The following PMFBP1 variants were observed in gnomAD, a reference collection of about 807,000 sequenced individuals.
The protein encoded by PMFBP1 is polyamine modulated factor 1 binding protein 1.
A neutral mutation model predicts 137.8 loss-of-function variants in PMFBP1; 131 were observed. The ratio of observed to expected loss-of-function variants is 0.95; its 90% CI spans 0.82 to 1.10. PMFBP1 has a LOEUF of 1.10. Among genes scored for constraint, PMFBP1 ranks in the 50% least tolerant of loss-of-function variants. The pLI, the probability that PMFBP1 is intolerant of heterozygous loss-of-function variation, is 0.00. For missense variants in PMFBP1, 1,199 were observed against 1,175.4 expected, an observed-to-expected ratio of 1.02 and a Z score of -0.29; for synonymous variants, 490 against 450.4, an observed-to-expected ratio of 1.09 and a Z score of -1.11.
chr16:72,133,050 T>C lies in PMFBP1; in HGVS notation c.1204-59A>G, dbSNP rs980670864. ...TCTGAGTGGCAGTGGGTGAAGGCAA[T>C]GAGAGGTTGTCTCAAGCCCTCATCC... On this transcript the variant is annotated intron_variant, in intron 9 of 20. Transcript: ENST00000237353. The C allele has an allele frequency of 6.3e-6, 10 of 1,584,800 alleles. No homozygotes were observed. The African/African-American group carries it at 1.1e-4, about 17-fold the overall frequency.
At position 72,150,675 on chromosome 16, in the gene PMFBP1, C is replaced by G. The variant is rs757842431; in HGVS notation, c.569G>C (p.Ser190Thr). 23 of 1,614,042 alleles carry G rather than the reference C, an allele frequency of 1.4e-5. No individual in the cohort carries two copies. Among genetic ancestry groups the G allele is most frequent in the Admixed American group, 1.0e-4 (6 of 60,002 alleles). The change falls in exon 5 of 21, where the codon AGC becomes ACC. Residue 190 changes from serine (S) to threonine (T), a missense_variant. Ser to Thr is a moderately conservative substitution (Grantham distance 58). Transcript: ENST00000237353. The stretch of plus-strand genomic sequence containing the variant: ...TTGGCATTCTAGTAACTCGATGTTG[C>G]TCAGGGAAGACTGGTATTTATCCCT... ...LYRDKYQSSL[S>T]NIELLECQVK...
chr16:72,231,422 G>A, the PMFBP1 span, among the ~76,000 whole-genome samples: 1 of 152,130 alleles, frequency 6.6e-6, no homozygotes, highest in Non-Finnish European at 1.5e-5. Context: ...CACATCCACT[G>A]CCTGAAGGTT....
chr16:72,145,238 C>T (rs561157193), intron 5 of PMFBP1, among the ~76,000 whole-genome samples: 186 of 152,226 alleles, frequency 1.2e-3, no homozygotes, highest in African/African-American at 4.2e-3. Context: ...CACTCAAAAC[C>T]GCACAACTGC....
rs542209803 is a variant in PMFBP1, at chr16:72,133,525, G to T, written c.1204-534C>A. Among the ~76,000 whole-genome samples, 5 of 152,202 alleles carry T rather than the reference G, an allele frequency of 3.3e-5. No individual in the cohort carries two copies. In the East Asian group the frequency reaches 9.7e-4, roughly 30 times the overall value. On this transcript the variant is annotated intron_variant, in intron 9 of 20. Coordinates refer to ENST00000237353, the MANE Select transcript of PMFBP1 (RefSeq NM_031293.3). ...TTACTTTTTGAGGCACTCTCACTCT[G>T]TTGCTCAGGCTGGAGTGCAGTGGCA...
At chr16:72,162,751 T>C (rs2043083295) in intron 3 of PMFBP1, among the ~76,000 whole-genome samples, 1 of 152,256 alleles carries the variant, frequency 6.6e-6, no homozygotes, top group Non-Finnish European at 1.5e-5. Context: ...TGCAATTTAA[T>C]ACCTTTCTCC....
intron 3 of PMFBP1, among the ~76,000 whole-genome samples, chr16:72,154,934 G>T (rs776992577): frequency 1.3e-5 from 2 of 152,134 alleles, no homozygotes; most frequent in Non-Finnish European, 2.9e-5. Context: ...AAAAATGAGA[G>T]CCAGAGATAT....
chr16:72,223,350 T>G, the PMFBP1 span, among the ~76,000 whole-genome samples: 1 of 152,222 alleles, frequency 6.6e-6, no homozygotes, highest in East Asian at 1.9e-4. Flanking sequence ...GTTTTAATCT[T>G]GTTTTTAAAA....
chr16:72,209,996 G>C, the PMFBP1 span, among the ~76,000 whole-genome samples: 1 of 152,154 alleles, frequency 6.6e-6, no homozygotes, highest in Non-Finnish European at 1.5e-5. Context: ...TTCACCCTAT[G>C]GGTAGTAACA....
In PMFBP1 at chr16:72,130,213, C is replaced by T. The variant is rs1597463170; in HGVS notation, c.1782G>A (p.Gln594=). ...TGGGCCATCTGCCTGCCCGTCATAC[C>T]TGGTGCTTGATACGATCAAGCATGT... ...MNDMLDRIKH[Q]HREQGSIKCK... is the part of the protein sequence containing the mutation. The change falls in exon 12 of 21, where the codon CAG becomes CAA. Residue 594 remains glutamine (Q), a splice_region_variant and synonymous_variant. Transcript: ENST00000237353. The T allele has an allele frequency of 1.9e-6, 3 of 1,612,318 alleles. No individual in the cohort carries two copies. The highest frequency in any genetic ancestry group is 2.5e-6 in the Non-Finnish European group (3 of 1,180,022).
chr16:72,247,817 T>C, the PMFBP1 span, among the ~76,000 whole-genome samples: 5 of 152,218 alleles, frequency 3.3e-5, no homozygotes, highest in Admixed American at 2.6e-4. Flanking sequence ...TTTATTTTTA[T>C]CCTGTTTAAT....
At chr16:72,201,073 A>C in the PMFBP1 span, among the ~76,000 whole-genome samples, 1 of 152,164 alleles carries the variant, frequency 6.6e-6, no homozygotes, top group Non-Finnish European at 1.5e-5. Flanking sequence ...CACACCACCT[A>C]TAGGACAGAT....
chr16:72,150,026 C>T (rs1025830582), intron 5 of PMFBP1, among the ~76,000 whole-genome samples: 5 of 152,116 alleles, frequency 3.3e-5, no homozygotes, highest in Admixed American at 6.6e-5. Flanking sequence ...CTATAATAAT[C>T]GTATTACTTG....
chr16:72,217,819 C>T, the PMFBP1 span, among the ~76,000 whole-genome samples: 1 of 151,946 alleles, frequency 6.6e-6, no homozygotes, highest in Non-Finnish European at 1.5e-5. Flanking sequence ...GCCTGGGCAA[C>T]AAGAGTGAAA....
At chr16:72,148,529 TA>T (rs1321686833) in intron 5 of PMFBP1, among the ~76,000 whole-genome samples, 1 of 151,802 alleles carries the variant, frequency 6.6e-6, no homozygotes, top group Admixed American at 6.6e-5. Context: ...TAATAAAAAA[TA>T]AAAAAAATTA....
intron 4 of PMFBP1, among the ~76,000 whole-genome samples, chr16:72,153,505 C>T (rs987582953): frequency 6.6e-6 from 1 of 152,096 alleles, no homozygotes; most frequent in East Asian, 1.9e-4. Flanking sequence ...TCTGTCCCAT[C>T]ATTTAGAACC....
the PMFBP1 span, among the ~76,000 whole-genome samples, chr16:72,217,392 C>A: frequency 6.6e-6 from 1 of 151,978 alleles, no homozygotes; most frequent in East Asian, 1.9e-4. Context: ...ATGTATGACA[C>A]AATTTACTTC....
chr16:72,166,522 C>G (rs1273912481), intron 2 of PMFBP1, among the ~76,000 whole-genome samples: 1 of 152,080 alleles, frequency 6.6e-6, no homozygotes, highest in Non-Finnish European at 1.5e-5. Flanking sequence ...GTTAGATTAC[C>G]AAGAGGGTTC....
chr16:72,150,514 T>A, intron 5 of PMFBP1, 94 bp downstream of exon 5: 1 of 1,237,002 alleles, frequency 8.1e-7, no homozygotes, highest in Non-Finnish European at 1.2e-6. Flanking sequence ...GGGTAAAGGT[T>A]TGGGTTTCCA....
chr16:72,215,753 C>A, the PMFBP1 span, among the ~76,000 whole-genome samples: 1 of 152,114 alleles, frequency 6.6e-6, no homozygotes, highest in Admixed American at 6.5e-5. Context: ...ACTCATCCAC[C>A]CAACAACAAC....
Sources: gnomAD v4.1 joint callset for allele counts (sites outside exome capture counted in the v4.1 genomes callset) on GRCh38, gnomAD v4.1.1 for gene constraint, MANE v1.5 for transcripts, NCBI Gene and HGNC (gene_info 2026-07-23, HGNC 2026-07-21) for gene names.